The following CRIM1 variants were observed in gnomAD, a reference collection of about 807,000 sequenced individuals.
The protein encoded by CRIM1 is cysteine rich transmembrane BMP regulator 1, also known as cysteine-rich motor neuron 1 protein.
Under a neutral mutation model 116.4 loss-of-function variants are expected in CRIM1, and 32 were observed. That is an observed-to-expected ratio of 0.27 (90% CI 0.21 to 0.37). The LOEUF is 0.37. Among genes scored for constraint, CRIM1 ranks in the 10% least tolerant of loss-of-function variants. The probability of loss-of-function intolerance (pLI) is 1.00; values close to 1 mark genes in which losing one functional copy is unlikely to be tolerated. For synonymous variants in CRIM1, 590 were observed against 509.2 expected, an observed-to-expected ratio of 1.16 and a Z score of -2.13; for missense variants, 1,331 against 1,354.8, an observed-to-expected ratio of 0.98 and a Z score of 0.28.
intron 1 of CRIM1, among the ~76,000 whole-genome samples, chr2:36,374,836 TG>T (rs1558511047): frequency 6.8e-6 from 1 of 147,398 alleles, no homozygotes; most frequent in Non-Finnish European, 1.5e-5. Context: ...CCTAGGCTCA[TG>T]GCATGAGGGC....
At chr2:36,451,740 C>T (rs1366110339) in intron 4 of CRIM1, among the ~76,000 whole-genome samples, 2 of 152,158 alleles carry the variant, frequency 1.3e-5, no homozygotes, top group Non-Finnish European at 2.9e-5. Flanking sequence ...GAGGATCACG[C>T]AAGAGTCAGA....
chr2:36,548,750 T>C lies in CRIM1; in HGVS notation c.*49T>C. 3 of 1,471,982 alleles carry C rather than the reference T, an allele frequency of 2.0e-6. No individual in the cohort carries two copies. The South Asian group carries it at 4.0e-5, about 20-fold the overall frequency. 91.2% of individuals were successfully genotyped at this position (1,471,982 alleles called of 1,614,324 possible). A position where few individuals can be genotyped will look rare whatever the true frequency, so the allele number is the denominator to read the frequency against. On this transcript the variant is annotated 3_prime_UTR_variant, in exon 17 of 17. Transcript: ENST00000280527. ...TCAAAAGACGGAAGACGACTAAATCTGCTCTAAAAAGTAAACTAGAATTTG... is the reference window on the plus strand; with the variant it reads ...TCAAAAGACGGAAGACGACTAAATCCGCTCTAAAAAGTAAACTAGAATTTG...
intron 7 of CRIM1, among the ~76,000 whole-genome samples, chr2:36,491,479 G>A (rs1680221287): frequency 6.6e-6 from 1 of 152,164 alleles, no homozygotes; most frequent in Non-Finnish European, 1.5e-5. Context: ...GGAACTTACT[G>A]TCTAATCTTC....
At chr2:36,444,422 C>T (rs546486688) in intron 4 of CRIM1, among the ~76,000 whole-genome samples, 213 of 152,264 alleles carry the variant, frequency 1.4e-3, no homozygotes, top group Middle Eastern at 0.014. Context: ...GCCACCTGCC[C>T]GGAATGCTTA....
rs753933849 is a variant in CRIM1 at position 36,356,283 on chromosome 2, G to C, written c.-10G>C. 30 of 1,449,060 alleles carry C rather than the reference G, an allele frequency of 2.1e-5. No homozygotes were observed. Among genetic ancestry groups the C allele is most frequent in the Non-Finnish European group, 2.7e-5 (29 of 1,090,804 alleles). The allele number at this position is 1,449,060 out of a possible 1,614,324, so 89.8% of individuals were successfully genotyped here. A position where few individuals can be genotyped will look rare whatever the true frequency, so the allele number is the denominator to read the frequency against. On this transcript the variant is annotated 5_prime_UTR_variant, in exon 1 of 17. Transcript: ENST00000280527. This position sits in a 1 kb window ranked among gnomAD's most constrained non-coding sequence, Gnocchi z 4.3. ...CGGCTGCGAGGAGGAGGCGGCGGCG[G>C]CGCAGGAGGATGTACTTGGTGGCGG...
chr2:36,360,309 C>G (rs1006399767), intron 1 of CRIM1, among the ~76,000 whole-genome samples: 24 of 152,196 alleles, frequency 1.6e-4, no homozygotes, highest in African/African-American at 3.1e-4. Flanking sequence ...GTCACTGTTC[C>G]GAGGACTCTG....
chr2:36,536,459 A>C (rs967391912), intron 13 of CRIM1, among the ~76,000 whole-genome samples: 2 of 152,168 alleles, frequency 1.3e-5, no homozygotes, highest in African/African-American at 4.8e-5. Flanking sequence ...TCATCCAGTT[A>C]TCAGTCTCGT....
rs3076519 is a variant in CRIM1 at position 36,506,181 on chromosome 2, TCACACACACACACACACACACA to T, written c.1502-3788_1502-3767del. The stretch of plus-strand genomic sequence containing the variant: ...CACTCTCTCTCTCTCTCTCTCTCTC[TCACACACACACACACACACACA>T]CACACACACACACTCAGATTAGGAC... On this transcript the variant is annotated intron_variant, in intron 8 of 16. Coordinates refer to ENST00000280527, the MANE Select transcript of CRIM1 (RefSeq NM_016441.3). 9.9e-5 allele frequency among the ~76,000 whole-genome samples: 12 copies of T among 120,960 alleles called. No individual in the cohort carries two copies. In the South Asian group the frequency reaches 2.9e-3, roughly 29 times the overall value. The allele number at this position is 120,960 out of a possible 152,430, so 79.4% of individuals were successfully genotyped here.
intron 1 of CRIM1, 126 bp from the exon 2 acceptor site, chr2:36,396,488 T>C (rs944061120): frequency 5.2e-6 from 3 of 572,560 alleles, no homozygotes; most frequent in Non-Finnish European, 9.0e-6. Context: ...TCAGCCAGAC[T>C]GCCTTTCACA....
chr2:36,541,548 C>G (rs534620494), intron 14 of CRIM1, among the ~76,000 whole-genome samples: 4 of 152,166 alleles, frequency 2.6e-5, no homozygotes, highest in Non-Finnish European at 5.9e-5. Flanking sequence ...CAAAAAAATG[C>G]TGACCTCAGC....
At chr2:36,425,440 A>G (rs1674378835) in intron 2 of CRIM1, among the ~76,000 whole-genome samples, 2 of 152,230 alleles carry the variant, frequency 1.3e-5, no homozygotes, top group Non-Finnish European at 2.9e-5. Context: ...ACTCACTTGA[A>G]GAACTCTATT....
intron 2 of CRIM1, among the ~76,000 whole-genome samples, chr2:36,407,219 A>T (rs568169349): frequency 1.4e-4 from 22 of 152,330 alleles, no homozygotes; most frequent in Non-Finnish European, 2.5e-4. Context: ...TTTGGAGCAT[A>T]TATACAGAAG....
At chr2:36,359,060 C>A (rs919351918) in intron 1 of CRIM1, among the ~76,000 whole-genome samples, 1 of 152,152 alleles carries the variant, frequency 6.6e-6, no homozygotes, top group Admixed American at 6.5e-5. Context: ...TGTGAGTTTA[C>A]AAGAAATTTC....
intron 2 of CRIM1, among the ~76,000 whole-genome samples, chr2:36,429,683 A>G (rs1674727697): frequency 6.6e-6 from 1 of 152,234 alleles, no homozygotes. Flanking sequence ...GGTATAAAGT[A>G]GTAGTTCTCA....
intron 2 of CRIM1, among the ~76,000 whole-genome samples, chr2:36,400,423 G>A (rs1041426970): frequency 6.6e-6 from 1 of 152,102 alleles, no homozygotes; most frequent in South Asian, 2.1e-4. Context: ...AGATGCCAAG[G>A]AATAGTAGCA....
At chr2:36,465,252 C>G (rs767485932) in intron 5 of CRIM1, among the ~76,000 whole-genome samples, 2 of 152,236 alleles carry the variant, frequency 1.3e-5, no homozygotes, top group Non-Finnish European at 2.9e-5. Context: ...CTGACAGAAT[C>G]TGCCTCTCCC....
intron 7 of CRIM1, among the ~76,000 whole-genome samples, chr2:36,489,171 C>A (rs995568671): frequency 6.6e-6 from 1 of 152,126 alleles, no homozygotes; most frequent in Non-Finnish European, 1.5e-5. Context: ...ACCATTTGCC[C>A]GTGCCTGTGC....
chr2:36,414,440 C>T (rs57289800), intron 2 of CRIM1, among the ~76,000 whole-genome samples: 2,254 of 152,200 alleles, frequency 0.015, 54 homozygotes, highest in African/African-American at 0.052. Flanking sequence ...ATTTATTGAG[C>T]GCCTGCTCTG....
intron 10 of CRIM1, chr2:36,513,158 C>CAA (rs1664802204): frequency 4.7e-6 from 1 of 214,058 alleles, no homozygotes. Flanking sequence ...TTCTGCTGAA[C>CAA]AAAACTCTGT....
Sources: allele counts gnomAD v4.1 joint callset (sites outside exome capture counted in the v4.1 genomes callset), GRCh38; gene constraint gnomAD v4.1.1; non-coding constraint Gnocchi (gnomAD v3.1); transcripts MANE v1.5; gene names NCBI Gene and HGNC (gene_info 2026-07-23, HGNC 2026-07-21).